The following ZCCHC2 variants were observed in gnomAD, a reference collection of about 807,000 sequenced individuals.
ZCCHC2 encodes zinc finger CCHC-type containing 2.
In ZCCHC2, 39 loss-of-function variants were observed where a neutral mutation model predicts 103.6. That is an observed-to-expected ratio of 0.38 (90% CI 0.29 to 0.49). ZCCHC2 has a LOEUF of 0.49. Ranked by LOEUF, ZCCHC2 falls within the 20% of genes least tolerant of loss-of-function variation. The pLI is 0.96. For missense variants in ZCCHC2, 1,483 were observed against 1,491.0 expected, an observed-to-expected ratio of 0.99 and a Z score of 0.09; for synonymous variants, 687 against 608.9, an observed-to-expected ratio of 1.13 and a Z score of -1.89.
At chr18:62,544,947 A>C (rs1210151907) in intron 4 of ZCCHC2, 74 bp downstream of exon 4, 3 of 1,217,668 alleles carry the variant, frequency 2.5e-6, no homozygotes, top group Middle Eastern at 2.8e-4. Context: ...CGTCAAAAAA[A>C]CACCAGGAAA....
chr18:62,533,506 CAG>C (rs1273426743), intron 1 of ZCCHC2, among the ~76,000 whole-genome samples: 17 of 152,084 alleles, frequency 1.1e-4, no homozygotes, highest in Non-Finnish European at 2.9e-5. Context: ...ACCAGGGTGA[CAG>C]AGTCAGACTT....
Position 62,523,772 on chromosome 18 carries a change from C to T in ZCCHC2, c.348C>T (p.Cys116=), listed in dbSNP as rs1195808432. ...CGGCGCAGCGCCTGGAGTTCATGTGCGGGCTGCTGGACCTGTGCAACCCGC... is the reference window on the plus strand; with the variant it reads ...CGGCGCAGCGCCTGGAGTTCATGTGTGGGCTGCTGGACCTGTGCAACCCGC... ...LGSAQRLEFM[C]GLLDLCNPLE... is the part of the protein sequence containing the mutation. The change falls in exon 1 of 14, where the codon TGC becomes TGT. Residue 116 remains cysteine, a synonymous_variant. Transcript: ENST00000269499. 3 of 1,535,818 alleles carry T rather than the reference C, an allele frequency of 2.0e-6. No individual in the cohort carries two copies. Among genetic ancestry groups the T allele is most frequent in the Non-Finnish European group, 2.6e-6 (3 of 1,145,386 alleles).
At chr18:62,562,038 C>G (rs1365004643) in intron 8 of ZCCHC2, among the ~76,000 whole-genome samples, 3 of 152,070 alleles carry the variant, frequency 2.0e-5, no homozygotes, top group Non-Finnish European at 4.4e-5. Flanking sequence ...GCTCTGTCAC[C>G]CAGGCTGGAG....
chr18:62,529,148 A>G (rs1363544508), intron 1 of ZCCHC2, among the ~76,000 whole-genome samples: 1 of 141,572 alleles, frequency 7.1e-6, no homozygotes, highest in East Asian at 2.0e-4. Flanking sequence ...TGACAGAGTG[A>G]GACAACGTCT....
intron 6 of ZCCHC2, among the ~76,000 whole-genome samples, chr18:62,558,227 T>A (rs948649921): frequency 6.6e-6 from 1 of 152,174 alleles, no homozygotes; most frequent in Admixed American, 6.5e-5. Flanking sequence ...ATAAATTGCT[T>A]GTTACTGTTC....
Position 62,550,368 on chromosome 18 carries a change from A to G in ZCCHC2, c.1221A>G (p.Ser407=). The G allele has an allele frequency of 6.2e-7, 1 of 1,613,712 alleles. No homozygotes were observed. The highest frequency in any genetic ancestry group is 8.5e-7 in the Non-Finnish European group (1 of 1,179,802). The change falls in exon 5 of 14, where the codon TCA becomes TCG. Residue 407 remains serine, a synonymous_variant. Transcript: ENST00000269499. ...TCTAGCTTCCAAAGGAACTGTCTTC[A>G]GAGACTTTTGACAAGACCATCTTAA... ...FLLKLPKELS[S]ETFDKTILRA...
At chr18:62,543,518 T>C (rs953921709) in intron 3 of ZCCHC2, among the ~76,000 whole-genome samples, 1 of 152,154 alleles carries the variant, frequency 6.6e-6, no homozygotes, top group Admixed American at 6.5e-5. Context: ...TGCGTCTCGC[T>C]CTTTACTCTC....
downstream of ZCCHC2, among the ~76,000 whole-genome samples, chr18:62,579,165 A>G (rs1426158398): frequency 2.6e-5 from 4 of 152,212 alleles, no homozygotes; most frequent in Admixed American, 2.0e-4. Flanking sequence ...GCCAAACACT[A>G]TGGTAGCAAT....
chr18:62,523,493 C>A lies in ZCCHC2; in HGVS notation c.69C>A (p.Pro23=). Residue 23 remains proline (P), a synonymous_variant, in exon 1 of 14, where the codon CCC becomes CCA. Transcript: ENST00000269499. ...AGCCGCCGCCCGAGGCGGAGGAGCC[C>A]GAGGCGGACGCGCGGCCGGGCGCGA... is the stretch of plus-strand genomic sequence containing the variant. ...PAEPPPEAEE[P]EADARPGAKA... 9 of 1,003,594 alleles carry A rather than the reference C, an allele frequency of 9.0e-6. No individual in the cohort carries two copies. Among genetic ancestry groups the A allele is most frequent in the Non-Finnish European group, 1.1e-5 (9 of 840,082 alleles). 62.2% of individuals were successfully genotyped at this position (1,003,594 alleles called of 1,614,324 possible). A position where few individuals can be genotyped will look rare whatever the true frequency, so the allele number is the denominator to read the frequency against.
At chr18:62,528,371 G>T (rs1335138238) in intron 1 of ZCCHC2, among the ~76,000 whole-genome samples, 1 of 152,074 alleles carries the variant, frequency 6.6e-6, no homozygotes, top group African/African-American at 2.4e-5. Context: ...GAGGTGGGCG[G>T]ATCACGAGGT....
rs1916927814 is a variant in ZCCHC2 at position 62,578,079 on chromosome 18, AAAG to A, written c.*1504_*1506del. On this transcript the variant is annotated 3_prime_UTR_variant, in exon 14 of 14. Coordinates refer to ENST00000269499, the MANE Select transcript of ZCCHC2 (RefSeq NM_017742.6). The stretch of plus-strand genomic sequence containing the variant: ...AGACAAGAGAAAAAACTTGAAGAAA[AAAG>A]AAGCTTAATTTCATGCTTCATAAGT... The A allele has an allele frequency of 6.6e-6, 1 of 152,612 alleles. No individual in the cohort carries two copies. Among genetic ancestry groups the A allele is most frequent in the Admixed American group, 6.5e-5 (1 of 15,282 alleles). The allele number at this position is 152,612 out of a possible 1,614,324, so 9.5% of individuals were successfully genotyped here.
intron 4 of ZCCHC2, among the ~76,000 whole-genome samples, chr18:62,548,130 T>C (rs754553978): frequency 1.5e-4 from 23 of 152,164 alleles, no homozygotes; most frequent in Non-Finnish European, 2.9e-4. Context: ...TCCTCTGAAC[T>C]AGTTCTGAGG....
In ZCCHC2 at chr18:62,575,558, CAAT is replaced by C; in HGVS notation, c.3469+11_3469+13del. On this transcript the variant is annotated intron_variant, in intron 13 of 13. Coordinates refer to ENST00000269499, the MANE Select transcript of ZCCHC2 (RefSeq NM_017742.6). Reference sequence around the variant, plus strand: ...TGGAGGCCAATCAACAAGGTAATCACAATAACTCCCAGAGGACTTGTTTTTGAG... The same window carrying C: ...TGGAGGCCAATCAACAAGGTAATCACAACTCCCAGAGGACTTGTTTTTGAG... 1 of 1,609,328 alleles carries C rather than the reference CAAT, an allele frequency of 6.2e-7. No homozygotes were observed. The highest frequency in any genetic ancestry group is 1.1e-5 in the South Asian group (1 of 90,686).
chr18:62,523,872 G>T lies in ZCCHC2; in HGVS notation c.448G>T (p.Ala150Ser). The change falls in exon 1 of 14, where the codon GCC becomes TCC. Residue 150 changes from alanine (A) to serine (S), a missense_variant. Physicochemically the swap from Ala to Ser is moderately conservative, Grantham distance 99. This residue lies in a region of ZCCHC2 where 568 missense variants were observed against 525.1 expected (regional missense o/e 1.08). Coordinates refer to ENST00000269499, the MANE Select transcript of ZCCHC2 (RefSeq NM_017742.6). Reference protein sequence around the residue: ...KDYHYLRDSEAKANGLSDPGP... With the variant: ...KDYHYLRDSESKANGLSDPGP... The stretch of plus-strand genomic sequence containing the variant: ...CTACCACTACCTGCGCGACTCGGAG[G>T]CCAAGGCCAACGGCCTCTCGGACCC... The T allele has an allele frequency of 6.5e-7, 1 of 1,543,524 alleles. No individual in the cohort carries two copies. The highest frequency in any genetic ancestry group is 8.7e-7 in the Non-Finnish European group (1 of 1,146,038).
At chr18:62,554,606 T>C (rs549059185) in intron 5 of ZCCHC2, among the ~76,000 whole-genome samples, 64 of 152,338 alleles carry the variant, frequency 4.2e-4, no homozygotes, top group African/African-American at 1.5e-3. Context: ...AGTGTTCCTG[T>C]AGTGGATGTA....
rs544111079 is a variant in ZCCHC2 at position 62,585,660 on chromosome 18, A to G, written c.*1288A>G. The G allele has an allele frequency of 9.8e-5, 15 of 152,370 alleles. No homozygotes were observed. In the South Asian group the frequency reaches 1.0e-3, roughly 11 times the overall value. The allele number at this position is 152,370 out of a possible 1,614,324, so 9.4% of individuals were successfully genotyped here. A position where few individuals can be genotyped will look rare whatever the true frequency, so the allele number is the denominator to read the frequency against. ...TGTGACCTTTCTCGGTCTGATTTAC[A>G]TAGTGGGGATGATGACACTCGCGTT... is the stretch of plus-strand genomic sequence containing the variant. On this transcript the variant is annotated 3_prime_UTR_variant and NMD_transcript_variant, in exon 15 of 15. Transcript: ENST00000585873.
At chr18:62,554,740 T>C (rs1311523555) in intron 5 of ZCCHC2, among the ~76,000 whole-genome samples, 1 of 152,186 alleles carries the variant, frequency 6.6e-6, no homozygotes, top group African/African-American at 2.4e-5. Context: ...CCACTGCCTT[T>C]GGATTTTAAT....
chr18:62,534,572 A>C (rs1230320764), intron 1 of ZCCHC2, among the ~76,000 whole-genome samples: 4 of 152,162 alleles, frequency 2.6e-5, no homozygotes, highest in Non-Finnish European at 5.9e-5. Flanking sequence ...AAGATAATTA[A>C]ACTTTGGTCA....
chr18:62,539,905 C>G, intron 2 of ZCCHC2, 113 bp downstream of exon 2: 1 of 823,718 alleles, frequency 1.2e-6, no homozygotes, highest in African/African-American at 1.7e-5. Flanking sequence ...TGGAGAAGTC[C>G]TACTGGTCCT....
Sources: allele counts gnomAD v4.1 joint callset (sites outside exome capture counted in the v4.1 genomes callset), GRCh38; gene constraint gnomAD v4.1.1; regional missense constraint gnomAD v4.1.1; transcripts MANE v1.5; gene names NCBI Gene and HGNC (gene_info 2026-07-23, HGNC 2026-07-21).